Variants in PRKCE observed in about 807,000 individuals in gnomAD.
PRKCE encodes protein kinase C epsilon type.
A neutral mutation model predicts 85.4 loss-of-function variants in PRKCE; 16 were observed. The ratio of observed to expected loss-of-function variants is 0.19; its 90% CI spans 0.13 to 0.28. PRKCE has a LOEUF of 0.28. PRKCE is among the 10% of genes least tolerant of loss of function. The pLI, the probability that PRKCE is intolerant of heterozygous loss-of-function variation, is 1.00. For synonymous variants in PRKCE, 388 were observed against 371.5 expected (o/e 1.04, Z -0.51); for missense variants, 573 against 975.2 (o/e 0.59, Z 5.49).
intron 1 of PRKCE, among the ~76,000 whole-genome samples, chr2:45,712,880 C>T (rs539853977): frequency 1.6e-4 from 25 of 152,292 alleles, no homozygotes; most frequent in African/African-American, 4.1e-4. Context: ...CATTTATCTT[C>T]GTATTCGCCC....
In PRKCE at chr2:46,004,468, T is replaced by A. The variant is rs980776638; in HGVS notation, c.967-74T>A. The A allele has an allele frequency of 1.3e-4, 159 of 1,223,660 alleles. 5 individuals carry two copies. The South Asian group carries it at 2.0e-3, about 16-fold the overall frequency. 75.8% of individuals were successfully genotyped at this position (1,223,660 alleles called of 1,614,324 possible). A position where few individuals can be genotyped will look rare whatever the true frequency, so the allele number is the denominator to read the frequency against. ...ACTCTCATGGCTCTTATACGGCATC[T>A]TGATGCTTTTGACATCAGAAAACTC... On this transcript the variant is annotated intron_variant, in intron 7 of 14. Transcript: ENST00000306156. This position sits in a 1 kb window ranked among gnomAD's most constrained non-coding sequence, Gnocchi z 4.1.
intron 14 of PRKCE, among the ~76,000 whole-genome samples, chr2:46,173,925 T>C (rs964480348): frequency 1.3e-5 from 2 of 151,764 alleles, no homozygotes; most frequent in Admixed American, 1.3e-4. Flanking sequence ...TGTAAACAAA[T>C]TTTTTTTTAT....
At chr2:46,046,907 C>T (rs1329341017) in intron 10 of PRKCE, among the ~76,000 whole-genome samples, 1 of 152,200 alleles carries the variant, frequency 6.6e-6, no homozygotes, top group African/African-American at 2.4e-5. Flanking sequence ...TAGGACAGCC[C>T]TATTTCCACT....
In PRKCE at chr2:45,940,684, TCACACATGCTTTCACTCC is replaced by T. The variant is rs377493124; in HGVS notation, c.413-35730_413-35713del. 8.5e-3 allele frequency among the ~76,000 whole-genome samples: 1,288 copies of T among 152,304 alleles called. 19 individuals carry two copies. Among genetic ancestry groups the T allele is most frequent in the African/African-American group, 0.029 (1,190 of 41,554 alleles). On this transcript the variant is annotated intron_variant, in intron 2 of 14. Transcript: ENST00000306156. ...TTCACTCTCACGTACCGCATGCATG[TCACACATGCTTTCACTCC>T]CACACATGCTTTCAAACACATACAT...
At chr2:45,862,340 C>T (rs72801063) in intron 2 of PRKCE, among the ~76,000 whole-genome samples, 105 of 152,292 alleles carry the variant, frequency 6.9e-4, no homozygotes, top group Non-Finnish European at 1.1e-3. Flanking sequence ...CAGGTCTCAC[C>T]ACCTCCATGT....
At chr2:45,771,008 T>C (rs1482651985) in intron 1 of PRKCE, 1 of 152,216 alleles carries the variant, frequency 6.6e-6, no homozygotes. Flanking sequence ...ACAAAGCTGC[T>C]GTAGTGTTCC....
At chr2:46,164,085 G>A (rs1678074765) in intron 14 of PRKCE, among the ~76,000 whole-genome samples, 2 of 152,250 alleles carry the variant, frequency 1.3e-5, no homozygotes, top group African/African-American at 4.8e-5. Context: ...GAGGACATGT[G>A]AGATGCCTTC....
chr2:45,978,701 C>T, intron 3 of PRKCE: 1 of 356,414 alleles, frequency 2.8e-6, no homozygotes, highest in South Asian at 4.0e-5. Context: ...CTTTCCAGAA[C>T]ATTGCTGACC....
At chr2:45,831,950 GATCTT>G (rs1360262055) in intron 1 of PRKCE, among the ~76,000 whole-genome samples, 1 of 151,982 alleles carries the variant, frequency 6.6e-6, no homozygotes, top group African/African-American at 2.4e-5. Context: ...AAAGAAAAAA[GATCTT>G]ATCCTTTATT....
intron 11 of PRKCE, among the ~76,000 whole-genome samples, chr2:46,123,149 A>C (rs11888480): frequency 5.0e-4 from 1 of 1,992 alleles, no homozygotes; most frequent in African/African-American, 9.1e-4. Context: ...GTTCACTAGC[A>C]AAAAAAAAAA....
At chr2:45,930,375 T>C (rs1698945997) in intron 2 of PRKCE, among the ~76,000 whole-genome samples, 1 of 152,206 alleles carries the variant, frequency 6.6e-6, no homozygotes, top group Non-Finnish European at 1.5e-5. Context: ...CAAAATTATA[T>C]GATTAGCTAG....
intron 1 of PRKCE, chr2:45,675,772 A>C (rs911635128): frequency 6.6e-6 from 1 of 152,254 alleles, no homozygotes; most frequent in East Asian, 1.9e-4. Flanking sequence ...GGCACTGCTC[A>C]GAATTCCCAG....
chr2:45,730,534 A>C (rs1268160660), intron 1 of PRKCE, among the ~76,000 whole-genome samples: 1 of 147,632 alleles, frequency 6.8e-6, no homozygotes, highest in Non-Finnish European at 1.5e-5. Context: ...ATCTCGGCTC[A>C]CTGCGACTTC....
chr2:46,001,397 C>T lies in PRKCE; in HGVS notation c.824-7C>T. The T allele has an allele frequency of 1.3e-6, 2 of 1,598,604 alleles. No homozygotes were observed. The highest frequency in any genetic ancestry group is 3.3e-5 in the Admixed American group (2 of 59,940). On this transcript the variant is annotated splice_polypyrimidine_tract_variant and splice_region_variant and intron_variant, in intron 6 of 14. Coordinates refer to ENST00000306156, the MANE Select transcript of PRKCE (RefSeq NM_005400.3). The surrounding 1 kb of genome is among the most constrained non-coding windows in gnomAD (Gnocchi z 4.4). ...CTTATCTGTCTTTTCTCCATGTCTC[C>T]TTACAGTCTGCAAAATGAATGTTCA...
chr2:45,672,030 T>C (rs1345985798), intron 1 of PRKCE, among the ~76,000 whole-genome samples: 1 of 140,890 alleles, frequency 7.1e-6, no homozygotes, highest in Non-Finnish European at 1.5e-5. Context: ...GCCACTGTAC[T>C]CTAGCTTGGG....
At chr2:45,662,384 C>T (rs1675710024) in intron 1 of PRKCE, among the ~76,000 whole-genome samples, 1 of 152,090 alleles carries the variant, frequency 6.6e-6, no homozygotes, top group Admixed American at 6.5e-5. Flanking sequence ...TACTACAATC[C>T]TTTCAGAGCC....
intron 1 of PRKCE, among the ~76,000 whole-genome samples, chr2:45,743,779 T>G (rs1682784488): frequency 6.6e-6 from 1 of 152,170 alleles, no homozygotes. Flanking sequence ...ACATCCACAT[T>G]AGCAGACTCC....
intron 6 of PRKCE, among the ~76,000 whole-genome samples, chr2:45,993,536 A>T (rs965735641): frequency 6.6e-6 from 1 of 152,358 alleles, no homozygotes; most frequent in Admixed American, 6.5e-5. Context: ...CCCTTTGCCG[A>T]CCTGCCAGCC....
intron 2 of PRKCE, among the ~76,000 whole-genome samples, chr2:45,914,052 C>T (rs937627762): frequency 6.6e-6 from 1 of 152,154 alleles, no homozygotes; most frequent in Non-Finnish European, 1.5e-5. Flanking sequence ...TTAACAATGT[C>T]AAGAGCTCTT....
Sources: gnomAD v4.1 joint callset for allele counts (sites outside exome capture counted in the v4.1 genomes callset) on GRCh38, gnomAD v4.1.1 for gene constraint, Gnocchi (gnomAD v3.1) non-coding constraint, MANE v1.5 for transcripts, NCBI Gene and HGNC (gene_info 2026-07-23, HGNC 2026-07-21) for gene names.